SLC25A30: variants seen among roughly 807,000 people sequenced by gnomAD.
SLC25A30 encodes the protein solute carrier family 25 member 30.
In SLC25A30, 29 loss-of-function variants were observed where a neutral mutation model predicts 42.7. The ratio of observed to expected loss-of-function variants is 0.68; its 90% CI spans 0.51 to 0.93. The LOEUF (loss-of-function observed/expected upper bound fraction) is 0.93. Ranked by LOEUF, SLC25A30 falls within the 40% of genes least tolerant of loss-of-function variation. The pLI, the probability that SLC25A30 is intolerant of heterozygous loss-of-function variation, is 0.00. For synonymous variants in SLC25A30, 124 were observed against 131.0 expected (o/e 0.95, Z 0.37); for missense variants, 300 against 359.7 (o/e 0.83, Z 1.34).
At chr13:45,424,569 A>AT in the SLC25A30 span, among the ~76,000 whole-genome samples, 28 of 41,296 alleles carry the variant, frequency 6.8e-4, no homozygotes, top group Admixed American at 2.6e-3. Flanking sequence ...ATAAATGTAT[A>AT]AATATATAAA....
At chr13:45,424,816 A>AG in the SLC25A30 span, among the ~76,000 whole-genome samples, 112 of 60,618 alleles carry the variant, frequency 1.8e-3, 9 homozygotes, top group African/African-American at 7.1e-3. Flanking sequence ...AAAAAAATAT[A>AG]AATATATAAA....
At chr13:45,425,081 A>ATATATATGT in the SLC25A30 span, among the ~76,000 whole-genome samples, 1 of 30,456 alleles carries the variant, frequency 3.3e-5, no homozygotes, top group African/African-American at 1.7e-4. Flanking sequence ...CATATATATA[A>ATATATATGT]ATATATAAAT....
At chr13:45,411,565 GGAGA>G in intron 1 of SLC25A30, 85 bp from the exon 2 acceptor site, 2 of 877,558 alleles carry the variant, frequency 2.3e-6, no homozygotes, top group Non-Finnish European at 3.6e-6. Flanking sequence ...GGTTTTATTT[GGAGA>G]GTGCTATCAC....
the SLC25A30 span, among the ~76,000 whole-genome samples, chr13:45,426,222 G>A: frequency 6.6e-6 from 1 of 151,882 alleles, no homozygotes; most frequent in Non-Finnish European, 1.5e-5. Context: ...GAGTGGCTGG[G>A]ACTACAGGCG....
At chr13:45,410,419 T>C (rs920275531) in intron 2 of SLC25A30, among the ~76,000 whole-genome samples, 1 of 152,142 alleles carries the variant, frequency 6.6e-6, no homozygotes, top group Admixed American at 6.5e-5. Flanking sequence ...ATAATCCCAG[T>C]ACTTTGGGAG....
chr13:45,422,126 C>A (rs1396840196), upstream of SLC25A30, among the ~76,000 whole-genome samples: 1 of 152,116 alleles, frequency 6.6e-6, no homozygotes, highest in East Asian at 1.9e-4. Flanking sequence ...ATTGTGTGTG[C>A]ACTATATAGT....
At position 45,418,358 on chromosome 13, in the gene SLC25A30, G is replaced by C. The variant is rs868345827; in HGVS notation, c.-114C>G. On this transcript the variant is annotated 5_prime_UTR_variant, in exon 1 of 10. Coordinates refer to ENST00000519676, the MANE Select transcript of SLC25A30 (RefSeq NM_001010875.4). ...GGACTCAGTTGTAACAAGAACCTGA[G>C]GCCGCTGGAGAAAAGGAAAAAATGC... 1.3e-5 allele frequency: 2 copies of C among 152,340 alleles called. No homozygotes were observed. Among genetic ancestry groups the C allele is most frequent in the Admixed American group, 1.3e-4 (2 of 15,284 alleles). 9.4% of individuals were successfully genotyped at this position (152,340 alleles called of 1,614,324 possible). A position where few individuals can be genotyped will look rare whatever the true frequency, so the allele number is the denominator to read the frequency against.
chr13:45,393,897 G>A lies in SLC25A30; in HGVS notation c.*2077C>T, dbSNP rs182828691. ...ATTTGAATAAACTGGTAATAATACT[G>A]TCTGACATTCGCTCTTTACATGGTC... On this transcript the variant is annotated 3_prime_UTR_variant, in exon 10 of 10. Coordinates refer to ENST00000519676, the MANE Select transcript of SLC25A30 (RefSeq NM_001010875.4). 14 of 985,306 alleles carry A rather than the reference G, an allele frequency of 1.4e-5. No individual in the cohort carries two copies. Among genetic ancestry groups the A allele is most frequent in the South Asian group, 4.7e-5 (1 of 21,276 alleles). 61.0% of individuals were successfully genotyped at this position (985,306 alleles called of 1,614,324 possible).
rs751816523 is a variant in SLC25A30, at chr13:45,401,177, T to C, written c.520A>G (p.Ile174Val). Residue 174 changes from isoleucine (I) to valine (V), a missense_variant, in exon 7 of 10, where the codon ATT (isoleucine) becomes GTT (valine). Coordinates refer to ENST00000519676, the MANE Select transcript of SLC25A30 (RefSeq NM_001010875.4). ...GVSLTAQRAA[I>V]VVGVELPVYD... is the part of the protein sequence containing the mutation. Reference sequence around the variant, plus strand: ...ACCGGCAGCTCCACACCAACAACAATAGCAGCCCTCTGCGCAGTAAGGGAC... The same window carrying C: ...ACCGGCAGCTCCACACCAACAACAACAGCAGCCCTCTGCGCAGTAAGGGAC... 29 of 1,613,922 alleles carry C rather than the reference T, an allele frequency of 1.8e-5. 1 individual carries two copies. The highest frequency in any genetic ancestry group is 1.3e-4 in the South Asian group (12 of 91,078).
chr13:45,425,218 G>A, the SLC25A30 span, among the ~76,000 whole-genome samples: 14 of 95,888 alleles, frequency 1.5e-4, no homozygotes, highest in South Asian at 2.9e-4. Flanking sequence ...ATATATATAC[G>A]TATGTATATA....
intron 1 of SLC25A30, among the ~76,000 whole-genome samples, chr13:45,416,337 A>G (rs996823135): frequency 6.6e-5 from 10 of 151,980 alleles, no homozygotes; most frequent in African/African-American, 2.4e-4. Context: ...GAACCTGGGA[A>G]GCGGAGGTTG....
At chr13:45,423,761 T>TATATATAAATATATAAAAATATATAA in the SLC25A30 span, among the ~76,000 whole-genome samples, 1 of 55,468 alleles carries the variant, frequency 1.8e-5, no homozygotes, top group East Asian at 4.4e-4. Flanking sequence ...TATATATAAA[T>TATATATAAATATATAAAAATATATAA]ATATAAAAAT....
At chr13:45,424,767 AATAT>A in the SLC25A30 span, among the ~76,000 whole-genome samples, 70 of 61,050 alleles carry the variant, frequency 1.1e-3, 8 homozygotes, top group African/African-American at 4.3e-3. Flanking sequence ...TAAATATATA[AATAT>A]ATATATATAA....
chr13:45,403,708 C>T (rs1189489469), intron 5 of SLC25A30, among the ~76,000 whole-genome samples: 5 of 151,882 alleles, frequency 3.3e-5, no homozygotes, highest in Admixed American at 6.6e-5. Context: ...GAGGCCAAGG[C>T]GGGTGGATCA....
intron 6 of SLC25A30, 79 bp from the exon 7 acceptor site, chr13:45,401,286 A>G: frequency 7.0e-7 from 1 of 1,428,448 alleles, no homozygotes; most frequent in Admixed American, 1.8e-5. Flanking sequence ...AAAGGTTCTA[A>G]TCCATAAACT....
chr13:45,418,291 AG>A lies in SLC25A30; in HGVS notation c.-56+8del, dbSNP rs1402092863. 3.3e-5 allele frequency: 5 copies of A among 152,308 alleles called. No homozygotes were observed. 9.4% of individuals were successfully genotyped at this position (152,308 alleles called of 1,614,324 possible). A position where few individuals can be genotyped will look rare whatever the true frequency, so the allele number is the denominator to read the frequency against. On this transcript the variant is annotated splice_region_variant and intron_variant, in intron 1 of 9. Coordinates refer to ENST00000519676, the MANE Select transcript of SLC25A30 (RefSeq NM_001010875.4). Reference sequence around the variant, plus strand: ...GGGCCGGCAGGAGGAGGCACGGGCCAGGACTTACCTGGCGGCAGCGGCCCCA... The same window carrying A: ...GGGCCGGCAGGAGGAGGCACGGGCCAGACTTACCTGGCGGCAGCGGCCCCA...
At chr13:45,422,875 G>A (rs1279487284), upstream of SLC25A30, among the ~76,000 whole-genome samples, 1 of 152,070 alleles carries the variant, frequency 6.6e-6, no homozygotes, top group Non-Finnish European at 1.5e-5. Flanking sequence ...CTCTTGCTAA[G>A]CCCTTCTCAT....
At chr13:45,419,801 A>G (rs890008476), upstream of SLC25A30, among the ~76,000 whole-genome samples, 1 of 151,184 alleles carries the variant, frequency 6.6e-6, no homozygotes, top group Non-Finnish European at 1.5e-5. Context: ...GTGGTGATGG[A>G]CACCTGTAAT....
chr13:45,400,033 TAC>T lies in SLC25A30; in HGVS notation c.615-957_615-956del, dbSNP rs71184413. Among the ~76,000 whole-genome samples the T allele has an allele frequency of 2.9e-3, 362 of 122,958 alleles. 6 individuals carry two copies. Among genetic ancestry groups the T allele is most frequent in the Middle Eastern group, 0.013 (3 of 240 alleles). The allele number at this position is 122,958 out of a possible 152,430, so 80.7% of individuals were successfully genotyped here. ...GTATGATTATATATATATATATATA[TAC>T]ACACACACACACACACACACACACA... is the stretch of plus-strand genomic sequence containing the variant. On this transcript the variant is annotated intron_variant, in intron 7 of 9. Coordinates refer to ENST00000519676, the MANE Select transcript of SLC25A30 (RefSeq NM_001010875.4).
Sources: allele counts gnomAD v4.1 joint callset (sites outside exome capture counted in the v4.1 genomes callset), GRCh38; gene constraint gnomAD v4.1.1; transcripts MANE v1.5; gene names NCBI Gene and HGNC (gene_info 2026-07-23, HGNC 2026-07-21).